Variants in MED12L observed in about 807,000 individuals in gnomAD.
MED12L encodes the protein mediator of RNA polymerase II transcription subunit 12-like protein.
A neutral mutation model predicts 281.3 loss-of-function variants in MED12L; 60 were observed. The ratio of observed to expected loss-of-function variants is 0.21; its 90% confidence interval spans 0.17 to 0.26. The LOEUF (loss-of-function observed/expected upper bound fraction) is 0.26. Among genes scored for constraint, MED12L ranks in the 10% least tolerant of loss-of-function variants. The pLI, the probability that MED12L is intolerant of heterozygous loss-of-function variation, is 1.00. For missense variants in MED12L, 2,146 were observed against 2,680.9 expected, an observed-to-expected ratio of 0.80 and a Z score of 4.41; for synonymous variants, 974 against 987.2, an observed-to-expected ratio of 0.99 and a Z score of 0.25.
chr3:151,222,775 T>C (rs969937919), intron 16 of MED12L, among the ~76,000 whole-genome samples: 14 of 152,332 alleles, frequency 9.2e-5, no homozygotes, highest in East Asian at 1.9e-4. Context: ...ATCATTTTTT[T>C]CCCCCAGATC....
At chr3:151,332,443 A>T (rs1750451838) in intron 16 of MED12L, among the ~76,000 whole-genome samples, 1 of 152,336 alleles carries the variant, frequency 6.6e-6, no homozygotes, top group Middle Eastern at 3.4e-3. Context: ...GGTAAACTAA[A>T]AGTGGTAATA....
chr3:151,174,316 A>G (rs1027617678), intron 11 of MED12L, among the ~76,000 whole-genome samples: 1 of 152,196 alleles, frequency 6.6e-6, no homozygotes, highest in African/African-American at 2.4e-5. Context: ...ACTTTCTGTT[A>G]TGCAATTATG....
intron 27 of MED12L, 121 bp downstream of exon 27, chr3:151,372,887 A>T (rs944874164): frequency 2.9e-6 from 2 of 679,126 alleles, no homozygotes; most frequent in Admixed American, 6.3e-5. Flanking sequence ...CTTTATTTCG[A>T]AATAATTTTA....
intron 16 of MED12L, among the ~76,000 whole-genome samples, chr3:151,209,183 C>T (rs2149197375): frequency 6.6e-6 from 1 of 152,310 alleles, no homozygotes; most frequent in South Asian, 2.1e-4. Context: ...TATAACACCC[C>T]TTTCTTACTT....
Position 151,411,408 on chromosome 3 carries a change from C to T in MED12L, c.6041C>T (p.Pro2014Leu), listed in dbSNP as rs745925780. Residue 2014 changes from proline to leucine, a missense_variant, in exon 41 of 45, where the codon CCC (proline) becomes CTC (leucine). Physicochemically the swap from Pro to Leu is moderately conservative, Grantham distance 98. Transcript: ENST00000687756. ...GCCTATCCGGCCGCACATTCCAACC[C>T]CGTGCTAATGGAAAGACTCAGACAG... is the stretch of plus-strand genomic sequence containing the variant. The part of the protein sequence containing the change: ...SRAYPAAHSN[P>L]VLMERLRQIQ... 20 of 1,614,080 alleles carry T rather than the reference C, an allele frequency of 1.2e-5. No homozygotes were observed. Among genetic ancestry groups the T allele is most frequent in the Middle Eastern group, 1.6e-4 (1 of 6,084 alleles).
At chr3:151,217,341 A>C (rs772007438) in intron 16 of MED12L, among the ~76,000 whole-genome samples, 7 of 152,160 alleles carry the variant, frequency 4.6e-5, no homozygotes, top group Non-Finnish European at 8.8e-5. Flanking sequence ...ATGTGACCTA[A>C]TGCTGCAGGT....
At chr3:151,341,332 G>A (rs1434537793) in intron 16 of MED12L, among the ~76,000 whole-genome samples, 31 of 151,936 alleles carry the variant, frequency 2.0e-4, no homozygotes, top group Admixed American at 2.0e-3. Flanking sequence ...AGAAGTGATT[G>A]TATCCATTGC....
At chr3:151,357,104 A>T in intron 19 of MED12L, 109 bp from the exon 20 acceptor site, 1 of 911,516 alleles carries the variant, frequency 1.1e-6, no homozygotes, top group South Asian at 2.2e-5. Flanking sequence ...AAATTTAGGG[A>T]ATGTATTTGT....
chr3:151,135,318 G>A (rs1366233023), intron 5 of MED12L, among the ~76,000 whole-genome samples: 2 of 152,216 alleles, frequency 1.3e-5, no homozygotes, highest in African/African-American at 4.8e-5. Context: ...CACCTGGCCT[G>A]ATAGTACTTT....
At chr3:151,369,111 C>T (rs762981470) in intron 25 of MED12L, among the ~76,000 whole-genome samples, 2 of 152,044 alleles carry the variant, frequency 1.3e-5, no homozygotes, top group African/African-American at 2.4e-5. Flanking sequence ...ATTTTAGGGG[C>T]GTTGGTGAAG....
intron 16 of MED12L, chr3:151,329,668 T>C: frequency 1.9e-6 from 1 of 520,426 alleles, no homozygotes. Context: ...TAATACTCTA[T>C]TTTAGTTCAA....
chr3:151,278,954 ACTC>A (rs947500192), intron 16 of MED12L, among the ~76,000 whole-genome samples: 3 of 152,124 alleles, frequency 2.0e-5, no homozygotes, highest in African/African-American at 4.8e-5. Context: ...CTTCAGATAA[ACTC>A]CTCGTGTGTT....
intron 16 of MED12L, among the ~76,000 whole-genome samples, chr3:151,265,096 A>G (rs990646288): frequency 6.6e-6 from 1 of 152,162 alleles, no homozygotes; most frequent in Non-Finnish European, 1.5e-5. Flanking sequence ...AGCCTGCTAG[A>G]TTATTCTTCA....
intron 11 of MED12L, among the ~76,000 whole-genome samples, chr3:151,169,158 C>T (rs1721115454): frequency 7.6e-6 from 1 of 131,942 alleles, no homozygotes; most frequent in Non-Finnish European, 1.5e-5. Flanking sequence ...CTGTCTGTCT[C>T]CCAGGCTGGA....
intron 44 of MED12L, among the ~76,000 whole-genome samples, chr3:151,432,503 C>G (rs1042999860): frequency 3.9e-5 from 6 of 152,358 alleles, no homozygotes; most frequent in African/African-American, 1.2e-4. Flanking sequence ...GGGAGACACT[C>G]TGGATGGGCC....
intron 2 of MED12L, among the ~76,000 whole-genome samples, chr3:151,095,178 C>T (rs980781510): frequency 1.1e-4 from 16 of 152,120 alleles, no homozygotes; most frequent in African/African-American, 3.9e-4. Flanking sequence ...ATTCAGTGAC[C>T]TGCAGGAGCA....
chr3:151,402,343 T>A (rs568959797), intron 39 of MED12L, among the ~76,000 whole-genome samples: 1 of 152,206 alleles, frequency 6.6e-6, no homozygotes, highest in East Asian at 1.9e-4. Flanking sequence ...AGTTGACTTT[T>A]CCTAAATCAG....
At chr3:151,271,925 T>TG (rs1399812043) in intron 16 of MED12L, among the ~76,000 whole-genome samples, 6 of 152,184 alleles carry the variant, frequency 3.9e-5, no homozygotes, top group Admixed American at 1.3e-4. Context: ...ATTGGGGTGG[T>TG]GATTATATGG....
intron 16 of MED12L, among the ~76,000 whole-genome samples, chr3:151,332,508 A>G (rs1478599321): frequency 1.3e-5 from 2 of 152,216 alleles, no homozygotes; most frequent in Non-Finnish European, 2.9e-5. Flanking sequence ...TTTTCTGAGT[A>G]AGAACAATAG....
Sources: allele counts gnomAD v4.1 joint callset (sites outside exome capture counted in the v4.1 genomes callset), GRCh38; gene constraint gnomAD v4.1.1; transcripts MANE v1.5; gene names NCBI Gene and HGNC (gene_info 2026-07-23, HGNC 2026-07-21).